Variants in PRKN observed in about 807,000 individuals in gnomAD.
PRKN encodes the protein parkin RBR E3 ubiquitin protein ligase.
Under a neutral mutation model 59.5 loss-of-function variants are expected in PRKN, and 56 were observed. The observed-to-expected ratio is 0.94, with a 90% CI of 0.76 to 1.18. PRKN has a LOEUF of 1.18. Among genes scored for constraint, PRKN ranks in the 50% most tolerant of loss-of-function variants. PRKN has a pLI of 0.00. For missense variants in PRKN, 657 were observed against 596.4 expected, an observed-to-expected ratio of 1.10 and a Z score of -1.06; for synonymous variants, 250 against 222.1, an observed-to-expected ratio of 1.13 and a Z score of -1.12.
intron 4 of PRKN, among the ~76,000 whole-genome samples, chr6:162,140,423 C>A (rs1300524971): frequency 6.6e-6 from 1 of 152,164 alleles, no homozygotes; most frequent in African/African-American, 2.4e-5. Flanking sequence ...CAGAGGTATG[C>A]AGTGCAGTAC....
intron 7 of PRKN, among the ~76,000 whole-genome samples, chr6:161,691,528 T>C (rs1003522851): frequency 2.0e-5 from 3 of 152,220 alleles, no homozygotes; most frequent in Non-Finnish European, 2.9e-5. Context: ...TGTTTTTGAA[T>C]AGAGATTATC....
intron 5 of PRKN, among the ~76,000 whole-genome samples, chr6:161,997,818 A>G (rs1351531525): frequency 6.6e-6 from 1 of 152,142 alleles, no homozygotes; most frequent in Non-Finnish European, 1.5e-5. Context: ...CATTCCTTTC[A>G]TCACCAACAC....
intron 6 of PRKN, among the ~76,000 whole-genome samples, chr6:161,962,207 T>C (rs1263508256): frequency 6.6e-6 from 1 of 152,182 alleles, no homozygotes; most frequent in African/African-American, 2.4e-5. Context: ...ATAAAGGATG[T>C]TTATAGAGGG....
chr6:162,663,010 T>A (rs992428188), intron 1 of PRKN, among the ~76,000 whole-genome samples: 4 of 152,080 alleles, frequency 2.6e-5, no homozygotes, highest in African/African-American at 7.2e-5. Flanking sequence ...GGGGGAAGCA[T>A]CTTGCACTGG....
chr6:162,668,404 T>A (rs1347349450), intron 1 of PRKN, among the ~76,000 whole-genome samples: 2 of 152,148 alleles, frequency 1.3e-5, no homozygotes, highest in Non-Finnish European at 2.9e-5. Flanking sequence ...ACCTCAGGAG[T>A]TAATGCTGGC....
chr6:161,793,230 G>A (rs575658924), intron 6 of PRKN, among the ~76,000 whole-genome samples: 1 of 152,228 alleles, frequency 6.6e-6, no homozygotes, highest in South Asian at 2.1e-4. Context: ...CTAAAATCCT[G>A]AAATCAGTTC....
At chr6:161,465,754 T>C (rs896908182) in intron 9 of PRKN, among the ~76,000 whole-genome samples, 4 of 152,188 alleles carry the variant, frequency 2.6e-5, no homozygotes, top group Middle Eastern at 3.2e-3. Flanking sequence ...TAATTTGATG[T>C]TTTCCATCAG....
intron 1 of PRKN, among the ~76,000 whole-genome samples, chr6:162,614,036 A>G (rs1434864714): frequency 6.6e-6 from 1 of 152,196 alleles, no homozygotes; most frequent in African/African-American, 2.4e-5. Context: ...AATGACAATT[A>G]TTTAAGAATT....
At chr6:161,815,912 C>T (rs1357220452) in intron 6 of PRKN, among the ~76,000 whole-genome samples, 1 of 152,140 alleles carries the variant, frequency 6.6e-6, no homozygotes, top group Non-Finnish European at 1.5e-5. Context: ...GGTATGCACA[C>T]GTACACTCAC....
chr6:161,679,741 C>CT (rs745812196), intron 7 of PRKN, among the ~76,000 whole-genome samples: 414 of 23,484 alleles, frequency 0.018, 159 homozygotes, highest in African/African-American at 0.028. Flanking sequence ...TCAGAGCCAG[C>CT]TTTTTTTTTT....
chr6:161,879,341 CTT>C (rs72163881), intron 6 of PRKN, among the ~76,000 whole-genome samples: 5 of 112,224 alleles, frequency 4.5e-5, no homozygotes, highest in South Asian at 6.1e-4. Flanking sequence ...ACATTTCTGC[CTT>C]TTTTTTTTTT....
At chr6:162,447,382 T>G (rs572913377) in intron 1 of PRKN, among the ~76,000 whole-genome samples, 1 of 151,958 alleles carries the variant, frequency 6.6e-6, no homozygotes, top group Non-Finnish European at 1.5e-5. Context: ...AAGGTTTAAT[T>G]ACATATGAAA....
intron 7 of PRKN, among the ~76,000 whole-genome samples, chr6:161,667,732 A>G (rs1443790568): frequency 6.6e-6 from 1 of 152,226 alleles, no homozygotes; most frequent in Non-Finnish European, 1.5e-5. Flanking sequence ...AAGTTCACAA[A>G]AAGACAACAT....
At chr6:161,730,243 G>T (rs1446891468) in intron 7 of PRKN, among the ~76,000 whole-genome samples, 1 of 146,892 alleles carries the variant, frequency 6.8e-6, no homozygotes, top group Non-Finnish European at 1.5e-5. Flanking sequence ...CTGATATGTT[G>T]CAGTCTGATG....
intron 2 of PRKN, among the ~76,000 whole-genome samples, chr6:162,273,479 T>C (rs1027962328): frequency 2.0e-5 from 3 of 152,178 alleles, no homozygotes; most frequent in African/African-American, 7.2e-5. Flanking sequence ...TATCCTTTAG[T>C]ACAAAAAAAG....
rs530994008 is a variant in PRKN at position 162,565,446 on chromosome 6, G to A, written c.8-121973C>T. 3.3e-4 allele frequency among the ~76,000 whole-genome samples: 50 copies of A among 152,256 alleles called. 1 individual carries two copies. Among genetic ancestry groups the A allele is most frequent in the African/African-American group, 1.2e-3 (48 of 41,544 alleles). On this transcript the variant is annotated intron_variant, in intron 1 of 11. Transcript: ENST00000366898. ...TGTGTATAATCCCGGCACTTTGGAA[G>A]GCTGAGGTGGGCGGGTCACCTGCCT...
chr6:162,017,592 G>GTTTGT (rs145655875), intron 5 of PRKN, among the ~76,000 whole-genome samples: 44,756 of 151,776 alleles, frequency 0.29, 6,918 homozygotes, highest in African/African-American at 0.4. Context: ...AAAAACCATG[G>GTTTGT]TTTAACATTT....
chr6:162,331,956 A>T (rs1033280714), intron 2 of PRKN, among the ~76,000 whole-genome samples: 1 of 152,176 alleles, frequency 6.6e-6, no homozygotes, highest in African/African-American at 2.4e-5. Context: ...ATGTATTCAG[A>T]TATTTGTTCA....
chr6:162,325,568 GTGGAATGCTAC>G (rs1171992493), intron 2 of PRKN, among the ~76,000 whole-genome samples: 1 of 152,130 alleles, frequency 6.6e-6, no homozygotes, highest in Non-Finnish European at 1.5e-5. Flanking sequence ...CAGCAGGACA[GTGGAATGCTAC>G]TGGTGAGACC....
Sources: allele counts gnomAD v4.1 joint callset (sites outside exome capture counted in the v4.1 genomes callset), GRCh38; gene constraint gnomAD v4.1.1; transcripts MANE v1.5; gene names NCBI Gene and HGNC (gene_info 2026-07-23, HGNC 2026-07-21).